Variants in MYBPC1 observed in about 807,000 individuals in gnomAD.
The protein encoded by MYBPC1 is myosin binding protein C1.
MYBPC1 carries 52 observed loss-of-function variants against 147.1 expected under a neutral mutation model. The observed-to-expected ratio is 0.35, with a 90% CI of 0.28 to 0.45. The LOEUF (loss-of-function observed/expected upper bound fraction) is 0.45. Among genes scored for constraint, MYBPC1 ranks in the 20% least tolerant of loss-of-function variants. MYBPC1 has a pLI of 1.00. For synonymous variants in MYBPC1, 477 were observed against 475.9 expected, an observed-to-expected ratio of 1.00 and a Z score of -0.03; for missense variants, 1,228 against 1,440.3, an observed-to-expected ratio of 0.85 and a Z score of 2.39.
the MYBPC1 span, among the ~76,000 whole-genome samples, chr12:101,691,071 C>T: frequency 7.9e-5 from 12 of 151,832 alleles, no homozygotes; most frequent in African/African-American, 2.9e-4. Flanking sequence ...GATTTATTTA[C>T]TTATTTATTT....
At chr12:101,676,014 T>A (rs1218885448) in intron 26 of MYBPC1, among the ~76,000 whole-genome samples, 1 of 152,230 alleles carries the variant, frequency 6.6e-6, no homozygotes, top group Non-Finnish European at 1.5e-5. Context: ...ACAGGCCTCA[T>A]GCAACCCAGG....
intron 1 of MYBPC1, among the ~76,000 whole-genome samples, chr12:101,601,761 T>C (rs1479419450): frequency 6.6e-6 from 1 of 152,232 alleles, no homozygotes; most frequent in Admixed American, 6.5e-5. Context: ...GCTATTTTGG[T>C]AAGTATTCTT....
chr12:101,618,173 T>C (rs1214978530), intron 3 of MYBPC1, among the ~76,000 whole-genome samples: 1 of 152,242 alleles, frequency 6.6e-6, no homozygotes, highest in Non-Finnish European at 1.5e-5. Context: ...TTATCTAATT[T>C]CTATGATATT....
rs77045393 is a variant in MYBPC1, at chr12:101,661,240, C to T, written c.2010C>T (p.Tyr670=). The change falls in exon 20 of 32, where the codon TAC becomes TAT. Residue 670 remains tyrosine (Y), a synonymous_variant. Transcript: ENST00000361466. ...WCIMNWEPPA[Y]DGGSPILGYF... Reference sequence around the variant, plus strand: ...TCATGAACTGGGAGCCTCCTGCCTACGACGGAGGCTCTCCAATCCTAGGTA... The same window carrying T: ...TCATGAACTGGGAGCCTCCTGCCTATGACGGAGGCTCTCCAATCCTAGGTA... 2,472 of 1,612,084 alleles carry T rather than the reference C, an allele frequency of 1.5e-3. 29 individuals carry two copies. The African/African-American group carries it at 0.026, about 17-fold the overall frequency.
rs764222953 is a variant in MYBPC1, at chr12:101,652,681, C to T, written c.1530C>T (p.Ile510=). The part of the protein sequence containing the change: ...DRLKVVHKGR[I]HKLVIANALT... ...TACATTTTCCTTGTTTCCTTAGGAT[C>T]CACAAGTTAGTGATAGCCAATGCCC... Residue 510 remains isoleucine, a synonymous_variant, in exon 17 of 32, where the codon ATC becomes ATT. Transcript: ENST00000361466. 1.9e-6 allele frequency: 3 copies of T among 1,608,266 alleles called. No individual in the cohort carries two copies. Among genetic ancestry groups the T allele is most frequent in the South Asian group, 1.1e-5 (1 of 90,974 alleles).
chr12:101,674,862 C>CAAAAAAAAAAAAAAAAAAAAAA (rs62824364), intron 25 of MYBPC1, among the ~76,000 whole-genome samples: 25 of 59,826 alleles, frequency 4.2e-4, no homozygotes, highest in African/African-American at 2.0e-3. Context: ...ACTCTGTCTC[C>CAAAAAAAAAAAAAAAAAAAAAA]AAAAAAAAAA....
At chr12:101,658,130 C>CAAAAA (rs34952207) in intron 18 of MYBPC1, among the ~76,000 whole-genome samples, 10 of 90,442 alleles carry the variant, frequency 1.1e-4, no homozygotes, top group African/African-American at 4.0e-4. Flanking sequence ...GACTCCGTCT[C>CAAAAA]AAAAAAAAAA....
chr12:101,682,161 A>G (rs549396071), intron 29 of MYBPC1, among the ~76,000 whole-genome samples: 20 of 152,142 alleles, frequency 1.3e-4, no homozygotes, highest in African/African-American at 4.6e-4. Context: ...GTTCCAAAGT[A>G]TTGTTGATGC....
rs1283765127 is a variant in MYBPC1, at chr12:101,666,846, T to G, written c.2357-886T>G. 5 of 1,534,210 alleles carry G rather than the reference T, an allele frequency of 3.3e-6. No homozygotes were observed. The South Asian group carries it at 5.6e-5, about 17-fold the overall frequency. On this transcript the variant is annotated intron_variant, in intron 22 of 31. Transcript: ENST00000361466. ...AAATTTTCTTACTATATTATAATGT[T>G]TCTGGGAATATTGAATGACCAAGCA...
chr12:101,643,548 C>A (rs1346493574), intron 11 of MYBPC1, among the ~76,000 whole-genome samples: 1 of 151,970 alleles, frequency 6.6e-6, no homozygotes, highest in Non-Finnish European at 1.5e-5. Context: ...AAATATGAGA[C>A]AGTGAGCTTA....
rs1302307225 is a variant in MYBPC1 at position 101,632,143 on chromosome 12, G to A, written c.556+5G>A. ...CATTTGATCTTGAAGTGCACGGTAA[G>A]AGAGCCTTCTTGCCTAGATAAATGT... On this transcript the variant is annotated splice_donor_5th_base_variant and intron_variant, in intron 8 of 31. Coordinates refer to ENST00000361466, the MANE Select transcript of MYBPC1 (RefSeq NM_002465.4). 3.8e-6 allele frequency: 6 copies of A among 1,588,564 alleles called. No homozygotes were observed. The highest frequency in any genetic ancestry group is 4.3e-6 in the Non-Finnish European group (5 of 1,156,624).
rs150080126 is a variant in MYBPC1 at position 101,605,336 on chromosome 12, C to A, written c.26-9160C>A. ...CTGCAGATGTATATGATATATATGA[C>A]CTGAGTTTGTTTTAAAAATAACATG... is the stretch of plus-strand genomic sequence containing the variant. On this transcript the variant is annotated intron_variant, in intron 1 of 31. Coordinates refer to ENST00000361466, the MANE Select transcript of MYBPC1 (RefSeq NM_002465.4). Among the ~76,000 whole-genome samples the A allele has an allele frequency of 1.1e-4, 17 of 152,198 alleles. No homozygotes were observed. The East Asian group carries it at 2.5e-3, about 22-fold the overall frequency.
At chr12:101,607,817 C>T (rs1037114432) in intron 1 of MYBPC1, among the ~76,000 whole-genome samples, 6 of 152,090 alleles carry the variant, frequency 3.9e-5, no homozygotes, top group Admixed American at 6.6e-5. Context: ...TGTGTATAGA[C>T]GCAGACATAT....
rs759551874 is a variant in MYBPC1 at position 101,673,670 on chromosome 12, G to A, written c.2809+48G>A. 6.3e-6 allele frequency: 10 copies of A among 1,598,536 alleles called. No homozygotes were observed. The South Asian group carries it at 1.1e-4, about 18-fold the overall frequency. ...GAAAGTTCTGTCAAAGCAGTACAGG[G>A]ATGAATTGTCCTTGTCCCTAAGGCA... is the stretch of plus-strand genomic sequence containing the variant. On this transcript the variant is annotated intron_variant, in intron 25 of 31. Transcript: ENST00000361466.
At chr12:101,694,204 T>C in the MYBPC1 span, among the ~76,000 whole-genome samples, 3 of 152,236 alleles carry the variant, frequency 2.0e-5, no homozygotes, top group East Asian at 3.8e-4. Context: ...TGTGCCCCTC[T>C]ATAATTGCAT....
At chr12:101,628,293 T>C (rs1437962121) in intron 5 of MYBPC1, 1 of 170,730 alleles carries the variant, frequency 5.9e-6, no homozygotes, top group African/African-American at 2.4e-5. Context: ...ACTGCAGGTA[T>C]AGAAGTGAAC....
chr12:101,637,531 C>CT (rs1159850422), intron 10 of MYBPC1, among the ~76,000 whole-genome samples: 2 of 151,966 alleles, frequency 1.3e-5, no homozygotes, highest in African/African-American at 2.4e-5. Flanking sequence ...AAAAGAAACA[C>CT]TTTTTTTCTG....
chr12:101,683,865 T>C (rs1159261612), intron 30 of MYBPC1, among the ~76,000 whole-genome samples: 1 of 152,178 alleles, frequency 6.6e-6, no homozygotes, highest in East Asian at 1.9e-4. Flanking sequence ...AGGTTTTGTG[T>C]CTATTTAGAT....
intron 25 of MYBPC1, 133 bp from the exon 26 acceptor site, chr12:101,675,159 C>A: frequency 3.3e-6 from 4 of 1,225,528 alleles, no homozygotes; most frequent in Admixed American, 2.0e-5. Flanking sequence ...GTCTCAGAAG[C>A]CCCCATGGTA....
Sources: gnomAD v4.1 joint callset for allele counts (sites outside exome capture counted in the v4.1 genomes callset) on GRCh38, gnomAD v4.1.1 for gene constraint, MANE v1.5 for transcripts, NCBI Gene and HGNC (gene_info 2026-07-23, HGNC 2026-07-21) for gene names.